Variants in GPR89B observed in about 807,000 individuals in gnomAD.
The protein encoded by GPR89B is golgi pH regulator B.
GPR89B carries 25 observed loss-of-function variants against 52.4 expected under a neutral mutation model. The observed-to-expected ratio is 0.48, with a 90% confidence interval of 0.35 to 0.67. The LOEUF (loss-of-function observed/expected upper bound fraction) is 0.67, where lower values mean the gene tolerates loss of function less well. GPR89B is among the 30% of genes least tolerant of loss of function. The pLI is 0.01. For missense variants in GPR89B, 146 were observed against 450.2 expected, an observed-to-expected ratio of 0.32 and a Z score of 6.11; for synonymous variants, 52 against 151.2, an observed-to-expected ratio of 0.34 and a Z score of 4.81.
intron 2 of GPR89B, among the ~76,000 whole-genome samples, chr1:147,937,043 A>G (rs1205558553): frequency 6.6e-6 from 1 of 152,150 alleles, no homozygotes; most frequent in Non-Finnish European, 1.5e-5. Flanking sequence ...ATTATAAGTT[A>G]ATACCAAAAT....
intron 7 of GPR89B, among the ~76,000 whole-genome samples, chr1:147,962,632 C>T (rs1162463786): frequency 6.6e-6 from 1 of 152,040 alleles, no homozygotes; most frequent in Non-Finnish European, 1.5e-5. Context: ...CGCGGTGGCT[C>T]ATGCCTGTAA....
chr1:147,975,167 A>G (rs1236758029), intron 10 of GPR89B, among the ~76,000 whole-genome samples: 4 of 131,492 alleles, frequency 3.0e-5, no homozygotes, highest in Non-Finnish European at 4.8e-5. Context: ...AGATTTTGGT[A>G]TCAGAATGAG....
At chr1:147,949,644 C>T (rs1279302255) in intron 5 of GPR89B, among the ~76,000 whole-genome samples, 6 of 139,674 alleles carry the variant, frequency 4.3e-5, no homozygotes, top group South Asian at 2.2e-4. Context: ...ACCTCCCTCC[C>T]GGATGGGGCG....
intron 7 of GPR89B, among the ~76,000 whole-genome samples, chr1:147,955,295 AT>A (rs1656036526): frequency 6.6e-6 from 1 of 151,850 alleles, no homozygotes; most frequent in African/African-American, 2.4e-5. Flanking sequence ...TTCTTTATCC[AT>A]TTTTCTGTTG....
chr1:148,021,132 G>A, the GPR89B span, among the ~76,000 whole-genome samples: 1 of 151,856 alleles, frequency 6.6e-6, no homozygotes, highest in Non-Finnish European at 1.5e-5. Flanking sequence ...ATACAAAGAG[G>A]TACCTGGTCA....
chr1:148,009,135 C>T, the GPR89B span, among the ~76,000 whole-genome samples: 1 of 152,174 alleles, frequency 6.6e-6, no homozygotes, highest in Non-Finnish European at 1.5e-5. Context: ...CACTGCTGTC[C>T]AGTGTCCCTC....
intron 10 of GPR89B, among the ~76,000 whole-genome samples, chr1:147,980,818 CAAAAAAAAAAAAAAAAAAA>C: frequency 4.4e-5 from 1 of 22,570 alleles, no homozygotes; most frequent in South Asian, 2.5e-3. Flanking sequence ...GACTCCGTCT[CAAAAAAAAAAAAAAAAAAA>C]AAAAAAAAAG....
chr1:148,004,913 A>G, the GPR89B span, among the ~76,000 whole-genome samples: 1 of 126,098 alleles, frequency 7.9e-6, no homozygotes, highest in Non-Finnish European at 1.7e-5. Context: ...ACACACACAC[A>G]CACACACACA....
chr1:147,986,327 G>C (rs1468271186), intron 11 of GPR89B, 33 bp downstream of exon 11: 2 of 1,610,522 alleles, frequency 1.2e-6, no homozygotes, highest in Non-Finnish European at 1.7e-6. Flanking sequence ...GGTTTGTCAT[G>C]TTTCTGTTTT....
At chr1:147,989,293 A>C (rs1658886820) in intron 12 of GPR89B, among the ~76,000 whole-genome samples, 5 of 152,204 alleles carry the variant, frequency 3.3e-5, no homozygotes, top group Non-Finnish European at 1.5e-5. Context: ...TCCTCAAAAA[A>C]ATGTTTCATT....
chr1:147,934,786 G>A (rs1260040201), intron 1 of GPR89B, among the ~76,000 whole-genome samples: 1 of 151,866 alleles, frequency 6.6e-6, no homozygotes, highest in Non-Finnish European at 1.5e-5. Context: ...TCACTATATT[G>A]TGAGCTCCTA....
chr1:147,966,202 T>C (rs1485722353), intron 7 of GPR89B, among the ~76,000 whole-genome samples: 2 of 152,122 alleles, frequency 1.3e-5, no homozygotes, highest in Admixed American at 1.3e-4. Context: ...AATTAAACTA[T>C]GTATAGCGCC....
intron 3 of GPR89B, among the ~76,000 whole-genome samples, chr1:147,940,231 G>T (rs1181413968): frequency 1.3e-5 from 2 of 151,684 alleles, no homozygotes; most frequent in South Asian, 2.1e-4. Flanking sequence ...GTGAAACCCC[G>T]TCTCTACTAA....
chr1:148,021,435 G>A, the GPR89B span, among the ~76,000 whole-genome samples: 2 of 151,934 alleles, frequency 1.3e-5, no homozygotes, highest in Non-Finnish European at 2.9e-5. Context: ...CCGGGAGGCG[G>A]AGCTTGCAGT....
chr1:148,008,301 G>A, the GPR89B span, among the ~76,000 whole-genome samples: 1 of 152,212 alleles, frequency 6.6e-6, no homozygotes, highest in Admixed American at 6.5e-5. Flanking sequence ...AGCCAGATGA[G>A]TAGAATCTGA....
At chr1:147,952,191 G>A (rs1258038472) in intron 5 of GPR89B, among the ~76,000 whole-genome samples, 1 of 152,102 alleles carries the variant, frequency 6.6e-6, no homozygotes, top group East Asian at 1.9e-4. Flanking sequence ...AGCTCTCTTA[G>A]GTCTGGAGAC....
intron 7 of GPR89B, among the ~76,000 whole-genome samples, chr1:147,956,585 T>TA (rs1402505918): frequency 1.3e-5 from 2 of 151,868 alleles, no homozygotes; most frequent in Non-Finnish European, 2.9e-5. Context: ...TACTTAGGGA[T>TA]AAATTTGACC....
Position 147,928,449 on chromosome 1 carries a change from G to T in GPR89B, c.-88G>T. On this transcript the variant is annotated 5_prime_UTR_variant, in exon 1 of 14. Transcript: ENST00000314163. ...TCCCGGCTGCAGCACCTGGGAGAAG[G>T]CAGACCGTGTGAGGGGGCCTGTGGC... The T allele has an allele frequency of 6.6e-7, 1 of 1,524,672 alleles. No individual in the cohort carries two copies. Among genetic ancestry groups the T allele is most frequent in the Non-Finnish European group, 9.1e-7 (1 of 1,103,090 alleles). The allele number at this position is 1,524,672 out of a possible 1,614,324, so 94.4% of individuals were successfully genotyped here.
chr1:148,012,289 AG>A, the GPR89B span: 3 of 138,174 alleles, frequency 2.2e-5, no homozygotes, highest in Non-Finnish European at 4.7e-5. Context: ...GTGGGGAGGG[AG>A]GGAGGAGTAG....
Sources: gnomAD v4.1 joint callset for allele counts (sites outside exome capture counted in the v4.1 genomes callset) on GRCh38, gnomAD v4.1.1 for gene constraint, MANE v1.5 for transcripts, NCBI Gene and HGNC (gene_info 2026-07-23, HGNC 2026-07-21) for gene names.